WRN: variants seen among roughly 807,000 people sequenced by gnomAD.
WRN encodes WRN RecQ like helicase, also known as bifunctional 3'-5' exonuclease/ATP-dependent helicase WRN.
Under a neutral mutation model 180.7 loss-of-function variants are expected in WRN, and 149 were observed. The observed-to-expected ratio is 0.82, with a 90% CI of 0.72 to 0.94. The LOEUF (loss-of-function observed/expected upper bound fraction) is 0.94, where lower values mean the gene tolerates loss of function less well. Among genes scored for constraint, WRN ranks in the 40% least tolerant of loss-of-function variants. WRN has a pLI of 0.00. For synonymous variants in WRN, 548 were observed against 568.9 expected (o/e 0.96, Z 0.52); for missense variants, 1,661 against 1,700.1 (o/e 0.98, Z 0.40).
intron 33 of WRN, among the ~76,000 whole-genome samples, chr8:31,161,359 G>A (rs770608748): frequency 6.6e-6 from 1 of 152,142 alleles, no homozygotes; most frequent in Non-Finnish European, 1.5e-5. Context: ...ACCTCACAGG[G>A]TGGACTTAAA....
intron 7 of WRN, among the ~76,000 whole-genome samples, chr8:31,068,805 T>C (rs11574210): frequency 2.0e-5 from 3 of 152,220 alleles, no homozygotes; most frequent in African/African-American, 7.2e-5. Context: ...ACATACTGAT[T>C]TACATTTCTA....
intron 1 of WRN, among the ~76,000 whole-genome samples, chr8:31,035,039 G>A (rs1245875351): frequency 2.0e-5 from 3 of 152,060 alleles, no homozygotes; most frequent in African/African-American, 4.8e-5. Context: ...GCATTCTTCA[G>A]CTAAAATTTT....
chr8:31,066,864 G>A (rs938818714), intron 5 of WRN, among the ~76,000 whole-genome samples, 169 bp from the exon 6 acceptor site: 3 of 152,058 alleles, frequency 2.0e-5, no homozygotes, highest in Non-Finnish European at 4.4e-5. Context: ...CTTACAATGT[G>A]GACTGCATAT....
At chr8:31,037,107 A>G (rs1811478324) in intron 1 of WRN, among the ~76,000 whole-genome samples, 1 of 152,210 alleles carries the variant, frequency 6.6e-6, no homozygotes, top group Non-Finnish European at 1.5e-5. Flanking sequence ...ACAATTCACC[A>G]TAATGTAGAA....
intron 34 of WRN, among the ~76,000 whole-genome samples, chr8:31,170,292 C>T (rs192384021): frequency 1.2e-4 from 18 of 151,924 alleles, no homozygotes; most frequent in Non-Finnish European, 2.2e-4. Flanking sequence ...TTCCCAGTAC[C>T]CTCTCCTCCT....
chr8:31,059,810 A>C (rs1424662527), intron 3 of WRN, among the ~76,000 whole-genome samples: 1 of 152,170 alleles, frequency 6.6e-6, no homozygotes, highest in Non-Finnish European at 1.5e-5. Context: ...TAATCCCAGC[A>C]CTTTGTGAGG....
Position 31,123,499 on chromosome 8 carries a change from G to T in WRN, c.2631-1023G>T, listed in dbSNP as rs531215648. On this transcript the variant is annotated intron_variant, in intron 21 of 34. Coordinates refer to ENST00000298139, the MANE Select transcript of WRN (RefSeq NM_000553.6). ...ACTTTGGGGATAATTACATGGAAGG[G>T]CATGGTGGGTGGTCGTTTCAGATGA... 3.9e-5 allele frequency among the ~76,000 whole-genome samples: 6 copies of T among 152,152 alleles called. 1 individual carries two copies. Among genetic ancestry groups the T allele is most frequent in the African/African-American group, 1.2e-4 (5 of 41,544 alleles).
At chr8:31,050,936 T>G (rs1204117349) in intron 1 of WRN, among the ~76,000 whole-genome samples, 1 of 152,176 alleles carries the variant, frequency 6.6e-6, no homozygotes, top group Admixed American at 6.5e-5. Flanking sequence ...AAAATAGTAT[T>G]GAACCATTTT....
intron 28 of WRN, among the ~76,000 whole-genome samples, chr8:31,146,152 T>C (rs562525393): frequency 7.2e-5 from 11 of 151,970 alleles, no homozygotes; most frequent in Non-Finnish European, 1.6e-4. Context: ...TATTTCTGAA[T>C]GACACGCTTA....
intron 33 of WRN, among the ~76,000 whole-genome samples, chr8:31,162,656 A>G (rs921602861): frequency 6.6e-6 from 1 of 152,212 alleles, no homozygotes; most frequent in Non-Finnish European, 1.5e-5. Flanking sequence ...TGTTTACACC[A>G]TTACCACCAC....
Position 31,076,202 on chromosome 8 carries a change from A to G in WRN, c.754A>G (p.Lys252Glu), listed in dbSNP as rs751986285. The change falls in exon 8 of 35, where the codon AAA becomes GAA. Residue 252 changes from lysine (K) to glutamate (E), a missense_variant. Coordinates refer to ENST00000298139, the MANE Select transcript of WRN (RefSeq NM_000553.6). Reference sequence around the variant, plus strand: ...AGAAATCCTACTTAGCGACATGAACAAACAGTTGACTTCAATCTCTGAGGA... The same window carrying G: ...AGAAATCCTACTTAGCGACATGAACGAACAGTTGACTTCAATCTCTGAGGA... ...EEEILLSDMN[K>E]QLTSISEEVM... The G allele has an allele frequency of 1.2e-6, 2 of 1,613,934 alleles. No individual in the cohort carries two copies. The highest frequency in any genetic ancestry group is 1.7e-6 in the Non-Finnish European group (2 of 1,179,920).
chr8:31,058,569 T>C lies in WRN; in HGVS notation c.96+26T>C, dbSNP rs2737316. The C allele has an allele frequency of 0.99, 1,596,227 of 1,608,942 alleles. 792,370 individuals are homozygous for C. The highest frequency in any genetic ancestry group is 1 in the East Asian group (44,689 of 44,692). On this transcript the variant is annotated intron_variant, in intron 2 of 34. Coordinates refer to ENST00000298139, the MANE Select transcript of WRN (RefSeq NM_000553.6). ...GTATGTTGTTCATTGACTATTCTTT[T>C]GGGTGAGAAATTTAATTTATATTTG...
At chr8:31,091,053 G>T (rs1275855580) in intron 15 of WRN, 111 bp downstream of exon 15, 1 of 848,010 alleles carries the variant, frequency 1.2e-6, no homozygotes. Flanking sequence ...CATTTCTGCA[G>T]GTATTGCTTT....
chr8:31,124,883 TAATTTAA>T lies in WRN; in HGVS notation c.2733-19_2733-13del. The T allele has an allele frequency of 3.8e-6, 6 of 1,596,496 alleles. No individual in the cohort carries two copies. Among genetic ancestry groups the T allele is most frequent in the Non-Finnish European group, 5.2e-6 (6 of 1,164,960 alleles). ...ACATATACGTTTCTGTTCTTTTATT[TAATTTAA>T]AATTTTGTCTTGGGTAGAATCATCT... On this transcript the variant is annotated intron_variant, in intron 22 of 34. Coordinates refer to ENST00000298139, the MANE Select transcript of WRN (RefSeq NM_000553.6).
chr8:31,135,157 A>G (rs371910274), intron 24 of WRN, among the ~76,000 whole-genome samples: 6 of 152,148 alleles, frequency 3.9e-5, no homozygotes, highest in South Asian at 4.2e-4. Context: ...GGTTCAAGCA[A>G]TCCTCCCACC....
chr8:31,119,128 C>G (rs937825769), intron 20 of WRN, among the ~76,000 whole-genome samples: 2 of 151,992 alleles, frequency 1.3e-5, no homozygotes, highest in Non-Finnish European at 1.5e-5. Flanking sequence ...TCACCTTTCT[C>G]ATACTTTCTT....
chr8:31,036,111 C>G (rs1432254036), intron 1 of WRN, among the ~76,000 whole-genome samples: 2 of 152,158 alleles, frequency 1.3e-5, no homozygotes, highest in African/African-American at 4.8e-5. Flanking sequence ...TGAGAACATG[C>G]GATATTTGTC....
At chr8:31,087,695 A>T in intron 11 of WRN, 81 bp from the exon 12 acceptor site, 1 of 1,444,184 alleles carries the variant, frequency 6.9e-7, no homozygotes, top group Non-Finnish European at 9.7e-7. Flanking sequence ...AGGCCCTGTT[A>T]ATAATAGTCC....
At chr8:31,061,126 C>T (rs1266589932) in intron 3 of WRN, among the ~76,000 whole-genome samples, 1 of 152,178 alleles carries the variant, frequency 6.6e-6, no homozygotes, top group Non-Finnish European at 1.5e-5. Context: ...TCACAGGCCA[C>T]TGAGGCTCTT....
Sources: allele counts gnomAD v4.1 joint callset (sites outside exome capture counted in the v4.1 genomes callset), GRCh38; gene constraint gnomAD v4.1.1; transcripts MANE v1.5; gene names NCBI Gene and HGNC (gene_info 2026-07-23, HGNC 2026-07-21).